KLHDC4: variants seen among roughly 807,000 people sequenced by gnomAD.
The protein encoded by KLHDC4 is kelch domain containing 4, also known as kelch domain-containing protein 4.
In KLHDC4, 90 loss-of-function variants were observed where a neutral mutation model predicts 62.4. The observed-to-expected ratio is 1.44, with a 90% confidence interval of 1.22 to 1.72. The LOEUF is 1.72. KLHDC4 is among the 40% of genes most tolerant of loss of function. The probability of loss-of-function intolerance (pLI) is 0.00; values close to 1 mark genes in which losing one functional copy is unlikely to be tolerated. For synonymous variants in KLHDC4, 386 were observed against 284.4 expected, an observed-to-expected ratio of 1.36 and a Z score of -3.59; for missense variants, 1,025 against 699.7, an observed-to-expected ratio of 1.47 and a Z score of -5.25.
chr16:87,752,697 G>A lies in KLHDC4; in HGVS notation c.369+2497C>T, dbSNP rs572348292. On this transcript the variant is annotated intron_variant, in intron 4 of 11. Transcript: ENST00000270583. ...TACAATCCCAGGCTTGACCCAGTCC[G>A]ACCCAGAGGACCACCCAAAGGCAGG... 7.3e-4 allele frequency among the ~76,000 whole-genome samples: 111 copies of A among 152,190 alleles called. 2 individuals carry two copies. Among genetic ancestry groups the A allele is most frequent in the Non-Finnish European group, 2.8e-4 (19 of 68,000 alleles).
chr16:87,755,600 G>A, intron 3 of KLHDC4: 2 of 248,124 alleles, frequency 8.1e-6, no homozygotes, highest in South Asian at 4.7e-5. Context: ...ATGAAGTCTC[G>A]CTGTTGCCCA....
At chr16:87,704,868 C>T (rs563852183), downstream of KLHDC4, among the ~76,000 whole-genome samples, 69 of 152,346 alleles carry the variant, frequency 4.5e-4, no homozygotes, top group African/African-American at 1.5e-3. Context: ...CGAAAAAAGC[C>T]ACCGCTCATG....
At chr16:87,735,070 A>G (rs186207220) in intron 5 of KLHDC4, among the ~76,000 whole-genome samples, 1 of 137,378 alleles carries the variant, frequency 7.3e-6, no homozygotes, top group Admixed American at 8.0e-5. Flanking sequence ...GGATTACTTT[A>G]TAAGAACAAT....
At chr16:87,760,045 G>C (rs746401675) in intron 2 of KLHDC4, among the ~76,000 whole-genome samples, 1 of 152,004 alleles carries the variant, frequency 6.6e-6, no homozygotes, top group Non-Finnish European at 1.5e-5. Context: ...AAAGTAATAT[G>C]ATTAAGAAAT....
At chr16:87,725,399 T>C (rs905823727) in intron 7 of KLHDC4, among the ~76,000 whole-genome samples, 4 of 152,114 alleles carry the variant, frequency 2.6e-5, no homozygotes, top group Non-Finnish European at 5.9e-5. Flanking sequence ...TCTCTTGACC[T>C]CGTGAGCCGC....
In KLHDC4 at chr16:87,748,735, C is replaced by G. The variant is rs776545825; in HGVS notation, c.444G>C (p.Gln148His). 6 of 1,613,636 alleles carry G rather than the reference C, an allele frequency of 3.7e-6. No homozygotes were observed. The highest frequency in any genetic ancestry group is 1.1e-5 in the South Asian group (1 of 91,004). The change falls in exon 5 of 12, where the codon CAG becomes CAC. Residue 148 changes from glutamine (Q) to histidine (H), a missense_variant. Physicochemically the swap from Gln to His is conservative, Grantham distance 24. Coordinates refer to ENST00000270583, the MANE Select transcript of KLHDC4 (RefSeq NM_017566.4). ...GGEFASPNGE[Q>H]FYHYKDLWVL... ...CCCAGAGATCCTTGTAGTGGTAGAA[C>G]TGCTCTCCGTTGGGAGAGGCAAACT...
chr16:87,702,842 G>T (rs1211212231), downstream of KLHDC4, among the ~76,000 whole-genome samples: 1 of 152,254 alleles, frequency 6.6e-6, no homozygotes, highest in Non-Finnish European at 1.5e-5. Context: ...TGCAATGACA[G>T]AGAGAACTTT....
rs148366462 is a variant in KLHDC4 at position 87,761,401 on chromosome 16, T to C, written c.191+548A>G. On this transcript the variant is annotated intron_variant, in intron 2 of 11. Transcript: ENST00000270583. Reference sequence around the variant, plus strand: ...GCAGCTTTATTAAAAGGGTAAATCCTGCAAGGTTAATCTCCTACTGAGGGA... The same window carrying C: ...GCAGCTTTATTAAAAGGGTAAATCCCGCAAGGTTAATCTCCTACTGAGGGA... Among the ~76,000 whole-genome samples the C allele has an allele frequency of 2.7e-3, 411 of 152,346 alleles. 1 individual carries two copies. Among genetic ancestry groups the C allele is most frequent in the African/African-American group, 8.1e-3 (337 of 41,588 alleles).
At chr16:87,714,625 T>G in intron 7 of KLHDC4, 52 bp from the exon 8 acceptor site, 8 of 1,594,172 alleles carry the variant, frequency 5.0e-6, no homozygotes, top group Non-Finnish European at 6.9e-6. Context: ...AGTGGTTGCT[T>G]ACAGACCCCC....
chr16:87,714,411 AG>A, intron 8 of KLHDC4, 86 bp downstream of exon 8: 1 of 1,165,300 alleles, frequency 8.6e-7, no homozygotes, highest in Non-Finnish European at 1.1e-6. Flanking sequence ...GCTCACCGCC[AG>A]CCCCACATCC....
downstream of KLHDC4, among the ~76,000 whole-genome samples, chr16:87,705,802 G>A (rs758940269): frequency 3.3e-5 from 5 of 152,202 alleles, no homozygotes; most frequent in Non-Finnish European, 7.4e-5. Flanking sequence ...GGCGGGGGCG[G>A]GGGCGGGGGC....
chr16:87,701,012 C>G (rs1315347824), exon 1 of KLHDC4: 1 of 207,612 alleles, frequency 4.8e-6, no homozygotes, highest in African/African-American at 2.4e-5. Context: ...TCCCCAGGTG[C>G]CAAGGAGGTT....
At chr16:87,738,537 T>C (rs888051257) in intron 5 of KLHDC4, among the ~76,000 whole-genome samples, 2 of 151,396 alleles carry the variant, frequency 1.3e-5, no homozygotes, top group South Asian at 2.1e-4. Context: ...ACGTGGTCCA[T>C]CCACACACCA....
At chr16:87,706,020 C>T (rs1028767724), downstream of KLHDC4, among the ~76,000 whole-genome samples, 2 of 149,732 alleles carry the variant, frequency 1.3e-5, no homozygotes, top group African/African-American at 4.9e-5. Context: ...GGGGTTGGCA[C>T]AAGGCAACAC....
At chr16:87,703,243 A>C (rs999589201), downstream of KLHDC4, 3 of 151,752 alleles carry the variant, frequency 2.0e-5, no homozygotes, top group African/African-American at 7.3e-5. Flanking sequence ...GCGCGCGTGC[A>C]GGAATCGCGA....
intron 2 of KLHDC4, among the ~76,000 whole-genome samples, chr16:87,759,375 G>A (rs934954953): frequency 7.2e-5 from 10 of 138,054 alleles, no homozygotes; most frequent in Admixed American, 2.9e-4. Context: ...CTGAGATCGC[G>A]CCATAGCACT....
At chr16:87,745,421 C>T (rs1214257245) in intron 5 of KLHDC4, among the ~76,000 whole-genome samples, 1 of 152,260 alleles carries the variant, frequency 6.6e-6, no homozygotes, top group Non-Finnish European at 1.5e-5. Context: ...AGGGCACCAC[C>T]TCCCGGAACG....
At chr16:87,698,823 G>T (rs1047907315) in exon 1 of KLHDC4, 22 of 152,204 alleles carry the variant, frequency 1.4e-4, no homozygotes, top group African/African-American at 5.3e-4. Flanking sequence ...CTGCTTCCCT[G>T]CACACAGTCG....
intron 5 of KLHDC4, 78 bp downstream of exon 5, chr16:87,748,595 C>G: frequency 2.5e-6 from 4 of 1,570,608 alleles, no homozygotes; most frequent in Non-Finnish European, 2.6e-6. Context: ...ATTCTGAGGT[C>G]TGCTCCGAGC....
Sources: allele counts gnomAD v4.1 joint callset (sites outside exome capture counted in the v4.1 genomes callset), GRCh38; gene constraint gnomAD v4.1.1; transcripts MANE v1.5; gene names NCBI Gene and HGNC (gene_info 2026-07-23, HGNC 2026-07-21).